Variants in ESR1 observed in about 807,000 individuals in gnomAD.
ESR1 encodes estrogen receptor.
A neutral mutation model predicts 52.7 loss-of-function variants in ESR1; 12 were observed. That is an observed-to-expected ratio of 0.23 (90% CI 0.15 to 0.37). The LOEUF (loss-of-function observed/expected upper bound fraction) is 0.37, where lower values mean the gene tolerates loss of function less well. ESR1 is among the 10% of genes least tolerant of loss of function. The pLI is 1.00. For synonymous variants in ESR1, 305 were observed against 316.8 expected, an observed-to-expected ratio of 0.96 and a Z score of 0.39; for missense variants, 584 against 779.7, an observed-to-expected ratio of 0.75 and a Z score of 2.99.
chr6:151,869,013 C>T (rs2128305487), intron 2 of ESR1, among the ~76,000 whole-genome samples: 1 of 152,204 alleles, frequency 6.6e-6, no homozygotes, highest in Admixed American at 6.5e-5. Context: ...TCCCAAAGCA[C>T]CAAAATGGCC....
At chr6:151,667,219 C>T (rs1311143758) in intron 1 of ESR1, among the ~76,000 whole-genome samples, 1 of 152,146 alleles carries the variant, frequency 6.6e-6, no homozygotes, top group Non-Finnish European at 1.5e-5. Context: ...CCCATAGACA[C>T]CAATACTTTA....
intron 4 of ESR1, among the ~76,000 whole-genome samples, chr6:151,994,106 T>C (rs1420435038): frequency 6.6e-6 from 1 of 152,158 alleles, no homozygotes; most frequent in Non-Finnish European, 1.5e-5. Flanking sequence ...GTTACAGAGA[T>C]GGTAAATAAG....
chr6:152,027,610 T>G (rs191183167), intron 5 of ESR1, among the ~76,000 whole-genome samples: 51 of 152,338 alleles, frequency 3.3e-4, no homozygotes, highest in African/African-American at 1.2e-3. Context: ...TTCATTATTT[T>G]GTAGTATAAA....
intron 4 of ESR1, among the ~76,000 whole-genome samples, chr6:151,949,055 T>A (rs2036034393): frequency 6.6e-6 from 1 of 152,202 alleles, no homozygotes; most frequent in South Asian, 2.1e-4. Context: ...TCTAAGGCTG[T>A]GACATTTCTC....
At chr6:151,982,621 A>G (rs2040102905) in intron 4 of ESR1, among the ~76,000 whole-genome samples, 1 of 151,482 alleles carries the variant, frequency 6.6e-6, no homozygotes. Context: ...AGTAGCTGGG[A>G]CTATAGGCGC....
At chr6:152,120,762 G>A (rs989604949) in intron 6 of ESR1, among the ~76,000 whole-genome samples, 6 of 152,166 alleles carry the variant, frequency 3.9e-5, no homozygotes, top group East Asian at 1.9e-4. Flanking sequence ...GCAAGCCCGG[G>A]ACTTGGAAAA....
intron 2 of ESR1, among the ~76,000 whole-genome samples, chr6:151,791,961 T>G (rs1776204701): frequency 6.6e-6 from 1 of 152,150 alleles, no homozygotes; most frequent in Admixed American, 6.5e-5. Flanking sequence ...TGGAGGAAGG[T>G]GTTGTTAGGA....
chr6:152,107,726 T>C (rs1286472199), downstream of ESR1, among the ~76,000 whole-genome samples: 2 of 152,238 alleles, frequency 1.3e-5, no homozygotes, highest in Non-Finnish European at 2.9e-5. Flanking sequence ...CTCTGGATTC[T>C]TATTCTTCCC....
At chr6:151,816,312 G>T (rs972675410) in intron 1 of ESR1, among the ~76,000 whole-genome samples, 2 of 152,198 alleles carry the variant, frequency 1.3e-5, no homozygotes, top group African/African-American at 4.8e-5. Context: ...GAAAGCACAG[G>T]TCTGGGAGCC....
chr6:151,966,960 A>T (rs1308099272), intron 4 of ESR1, among the ~76,000 whole-genome samples: 1 of 152,156 alleles, frequency 6.6e-6, no homozygotes, highest in East Asian at 1.9e-4. Flanking sequence ...GGGACAAGCA[A>T]ATCCCTATTT....
chr6:151,815,242 G>A (rs1251923295), intron 1 of ESR1, among the ~76,000 whole-genome samples: 2 of 152,122 alleles, frequency 1.3e-5, no homozygotes, highest in Admixed American at 6.5e-5. Context: ...GAGTGAAAGG[G>A]TATACATTCC....
At chr6:151,793,671 A>G (rs1160006720) in intron 2 of ESR1, among the ~76,000 whole-genome samples, 14 of 152,230 alleles carry the variant, frequency 9.2e-5, no homozygotes, top group Admixed American at 8.5e-4. Flanking sequence ...CAGCTCCATT[A>G]TAACCTTACA....
At chr6:152,077,856 A>G (rs1302753421) in intron 6 of ESR1, among the ~76,000 whole-genome samples, 1 of 152,158 alleles carries the variant, frequency 6.6e-6, no homozygotes, top group East Asian at 1.9e-4. Flanking sequence ...AACTAGCTTG[A>G]TTTTGATTTT....
In ESR1 at chr6:152,098,427, A is replaced by G. The variant is rs897836763; in HGVS notation, c.1554-305A>G. On this transcript the variant is annotated intron_variant, in intron 7 of 7. Transcript: ENST00000206249. This position sits in a 1 kb window ranked among gnomAD's most constrained non-coding sequence, Gnocchi z 5.1. ...GGGGAATAGGATCTCATTTGAGGCCACGGAGGTCCATGGAAGTCACCTGCA... is the reference window on the plus strand; with the variant it reads ...GGGGAATAGGATCTCATTTGAGGCCGCGGAGGTCCATGGAAGTCACCTGCA... Among the ~76,000 whole-genome samples, 4 of 152,076 alleles carry G rather than the reference A, an allele frequency of 2.6e-5. No homozygotes were observed. The highest frequency in any genetic ancestry group is 5.9e-5 in the Non-Finnish European group (4 of 68,020).
At chr6:152,082,000 C>T (rs1462917295) in intron 6 of ESR1, among the ~76,000 whole-genome samples, 1 of 152,124 alleles carries the variant, frequency 6.6e-6, no homozygotes, top group Non-Finnish European at 1.5e-5. Flanking sequence ...TGTCCAGGAC[C>T]AGATGGATTC....
At chr6:151,878,981 C>G (rs976146389) in intron 2 of ESR1, among the ~76,000 whole-genome samples, 1 of 151,998 alleles carries the variant, frequency 6.6e-6, no homozygotes, top group Non-Finnish European at 1.5e-5. Context: ...GTGTTGGGAG[C>G]GTACATTCTG....
chr6:152,002,222 G>GTGTGTGTGTGT (rs1562654907), intron 4 of ESR1, among the ~76,000 whole-genome samples: 1 of 148,636 alleles, frequency 6.7e-6, no homozygotes, highest in African/African-American at 2.5e-5. Flanking sequence ...GTGTGTGTGT[G>GTGTGTGTGTGT]GAATATCTCA....
exon 7 of ESR1, chr6:152,125,638 A>T: frequency 3.4e-6 from 1 of 294,950 alleles, no homozygotes. Flanking sequence ...ATGAGTTATA[A>T]CAGAGTGACT....
At chr6:151,866,323 C>A (rs1789890107) in intron 2 of ESR1, among the ~76,000 whole-genome samples, 1 of 149,862 alleles carries the variant, frequency 6.7e-6, no homozygotes, top group African/African-American at 2.5e-5. Flanking sequence ...AGAAAGTAGA[C>A]TAGTAGTTAT....
Sources: allele counts gnomAD v4.1 joint callset (sites outside exome capture counted in the v4.1 genomes callset), GRCh38; gene constraint gnomAD v4.1.1; non-coding constraint Gnocchi (gnomAD v3.1); transcripts MANE v1.5; gene names NCBI Gene and HGNC (gene_info 2026-07-23, HGNC 2026-07-21).